The following TRAPPC6A variants were observed in gnomAD, a reference collection of about 807,000 sequenced individuals.
TRAPPC6A encodes the protein trafficking protein particle complex subunit 6A, also known as TRAPP complex subunit 6A.
A neutral mutation model predicts 20.8 loss-of-function variants in TRAPPC6A; 25 were observed. The ratio of observed to expected loss-of-function variants is 1.20; its 90% CI spans 0.88 to 1.68. The LOEUF (loss-of-function observed/expected upper bound fraction) is 1.68. Among genes scored for constraint, TRAPPC6A ranks in the 40% most tolerant of loss-of-function variants. The pLI, the probability that TRAPPC6A is intolerant of heterozygous loss-of-function variation, is 0.00. For missense variants in TRAPPC6A, 215 were observed against 211.6 expected (o/e 1.02, Z -0.10); for synonymous variants, 96 against 93.3 (o/e 1.03, Z -0.16).
intron 1 of TRAPPC6A, among the ~76,000 whole-genome samples, chr19:45,166,895 GT>G (rs1489195220): frequency 6.6e-6 from 1 of 152,190 alleles, no homozygotes; most frequent in African/African-American, 2.4e-5. Flanking sequence ...CCTGGAGCGG[GT>G]CTCCCAGCCT....
chr19:45,174,748 G>A (rs1969329667), intron 1 of TRAPPC6A, among the ~76,000 whole-genome samples: 1 of 152,068 alleles, frequency 6.6e-6, no homozygotes, highest in Admixed American at 6.6e-5. Context: ...AGGATCACTT[G>A]AGCCCAGGAG....
chr19:45,167,398 C>T (rs1969178736), intron 1 of TRAPPC6A, among the ~76,000 whole-genome samples: 1 of 152,162 alleles, frequency 6.6e-6, no homozygotes, highest in Non-Finnish European at 1.5e-5. Context: ...AGGATGAAAA[C>T]ACTTGAAATA....
At chr19:45,166,588 C>T (rs1238033883) in intron 1 of TRAPPC6A, among the ~76,000 whole-genome samples, 1 of 150,992 alleles carries the variant, frequency 6.6e-6, no homozygotes, top group Non-Finnish European at 1.5e-5. Flanking sequence ...CTGGGGGGCA[C>T]CAGAAATCCC....
In TRAPPC6A at chr19:45,175,853, G is replaced by A. The variant is rs144207819; in HGVS notation, c.84+2282C>T. On this transcript the variant is annotated intron_variant, in intron 1 of 5. Coordinates refer to ENST00000585934, the MANE Select transcript of TRAPPC6A (RefSeq NM_001270891.2). ...GGACATTATTACCCACCCCCAGGCT[G>A]ATGCATACTCCCTGGGCCATGCTGT... 2.9e-3 allele frequency among the ~76,000 whole-genome samples: 435 copies of A among 152,240 alleles called. 2 individuals are homozygous for A. Among genetic ancestry groups the A allele is most frequent in the African/African-American group, 9.9e-3 (410 of 41,540 alleles).
Position 45,178,191 on chromosome 19 carries a change from G to A in TRAPPC6A, c.28C>T (p.Leu10Phe). 2 of 1,611,402 alleles carry A rather than the reference G, an allele frequency of 1.2e-6. No individual in the cohort carries two copies. Among genetic ancestry groups the A allele is most frequent in the South Asian group, 1.1e-5 (1 of 90,960 alleles). Residue 10 changes from leucine (L) to phenylalanine (F), a missense_variant, in exon 1 of 6, where the codon CTT becomes TTT. Transcript: ENST00000585934. MADTVLFEF[L>F]HTEMVAELWA... ...AGCTCAGCCACCATCTCCGTGTGAA[G>A]AAACTCAAACAACACAGTATCCGCC... is the stretch of plus-strand genomic sequence containing the variant.
chr19:45,177,975 C>G (rs892081893), intron 1 of TRAPPC6A, 160 bp downstream of exon 1: 22 of 1,367,350 alleles, frequency 1.6e-5, no homozygotes, highest in Non-Finnish European at 1.9e-5. Flanking sequence ...CCGGCACCGT[C>G]GCGAACGCCA....
intron 1 of TRAPPC6A, among the ~76,000 whole-genome samples, chr19:45,174,764 G>C (rs116061121): frequency 0.014 from 2,075 of 152,082 alleles, 51 homozygotes; most frequent in African/African-American, 0.048. Flanking sequence ...AGGAGTGTGA[G>C]GCTACAGTGA....
Position 45,163,262 on chromosome 19 carries a change from G to C in TRAPPC6A, c.449-39C>G, listed in dbSNP as rs112150864. On this transcript the variant is annotated intron_variant, in intron 5 of 5. Transcript: ENST00000585934. This position sits in a 1 kb window ranked among gnomAD's most constrained non-coding sequence, Gnocchi z 5.3. Reference sequence around the variant, plus strand: ...CCTGGCTTAGGCTTGAGGATGGGATGGGGGAGGCAGAGGGCACCTGGACGG... The same window carrying C: ...CCTGGCTTAGGCTTGAGGATGGGATCGGGGAGGCAGAGGGCACCTGGACGG... 145 of 1,612,168 alleles carry C rather than the reference G, an allele frequency of 9.0e-5. 2 individuals are homozygous for C. The African/African-American group carries it at 1.5e-3, about 17-fold the overall frequency.
chr19:45,164,310 T>G, intron 3 of TRAPPC6A, 63 bp from the exon 4 acceptor site: 196 of 1,008,116 alleles, frequency 1.9e-4, no homozygotes, highest in Non-Finnish European at 2.6e-4. Flanking sequence ...GCAGGGAGGG[T>G]AAGCAGGAAC....
chr19:45,172,325 G>C lies in TRAPPC6A; in HGVS notation c.84+5810C>G, dbSNP rs1369496477. On this transcript the variant is annotated intron_variant, in intron 1 of 5. Coordinates refer to ENST00000585934, the MANE Select transcript of TRAPPC6A (RefSeq NM_001270891.2). The surrounding 1 kb of genome is among the most constrained non-coding windows in gnomAD (Gnocchi z 4.2). The stretch of plus-strand genomic sequence containing the variant: ...CTGAGTTCTAATTTTGCCTTTAAGA[G>C]AACATTCTGCCCTGAACTGGGAGGG... Among the ~76,000 whole-genome samples the C allele has an allele frequency of 1.3e-5, 2 of 151,500 alleles. No homozygotes were observed. Among genetic ancestry groups the C allele is most frequent in the Non-Finnish European group, 2.9e-5 (2 of 68,032 alleles).
chr19:45,171,924 C>A (rs1036991474), intron 1 of TRAPPC6A, among the ~76,000 whole-genome samples: 2 of 152,206 alleles, frequency 1.3e-5, no homozygotes, highest in African/African-American at 4.8e-5. Flanking sequence ...TGGGTGACAG[C>A]GCCTTAGCTC....
intron 1 of TRAPPC6A, among the ~76,000 whole-genome samples, chr19:45,177,015 A>G (rs1969394949): frequency 6.6e-6 from 1 of 151,850 alleles, no homozygotes; most frequent in African/African-American, 2.4e-5. Context: ...AAAAAATAAT[A>G]ATAATACAAA....
At chr19:45,168,558 T>C (rs965946187) in intron 1 of TRAPPC6A, among the ~76,000 whole-genome samples, 5 of 152,148 alleles carry the variant, frequency 3.3e-5, no homozygotes, top group Non-Finnish European at 7.4e-5. Flanking sequence ...CCAGAGGAAC[T>C]TGCACCAGCA....
chr19:45,165,035 G>T, intron 2 of TRAPPC6A, 65 bp from the exon 3 acceptor site: 7 of 1,607,720 alleles, frequency 4.4e-6, no homozygotes, highest in Non-Finnish European at 6.0e-6. Flanking sequence ...AGACAGGCCC[G>T]ACTCCTGCAT....
rs12977014 is a variant in TRAPPC6A, at chr19:45,167,734, C to T, written c.85-2540G>A. 3.9e-5 allele frequency among the ~76,000 whole-genome samples: 6 copies of T among 152,262 alleles called. No homozygotes were observed. In the East Asian group the frequency reaches 5.8e-4, roughly 15 times the overall value. On this transcript the variant is annotated intron_variant, in intron 1 of 5. Coordinates refer to ENST00000585934, the MANE Select transcript of TRAPPC6A (RefSeq NM_001270891.2). ...CCAACCTCAGGTGATCTGCCCACCT[C>T]GGCCTCCCAAAGTGCTGGGATTACA...
intron 1 of TRAPPC6A, among the ~76,000 whole-genome samples, chr19:45,175,834 T>C (rs1333990814): frequency 6.6e-6 from 1 of 152,012 alleles, no homozygotes; most frequent in African/African-American, 2.4e-5. Flanking sequence ...GTTGGGACAT[T>C]ATTACCCACC....
rs750312305 is a variant in TRAPPC6A, at chr19:45,175,589, A to G, written c.84+2546T>C. 5.1e-4 allele frequency among the ~76,000 whole-genome samples: 77 copies of G among 152,128 alleles called. 2 individuals are homozygous for G. Among genetic ancestry groups the G allele is most frequent in the Non-Finnish European group, 5.6e-4 (38 of 68,022 alleles). Reference sequence around the variant, plus strand: ...AAGGGATTGTTACGCTAAGATCTGAAGGATTAATAGTTGTTAGCATGGTGA... The same window carrying G: ...AAGGGATTGTTACGCTAAGATCTGAGGGATTAATAGTTGTTAGCATGGTGA... On this transcript the variant is annotated intron_variant, in intron 1 of 5. Transcript: ENST00000585934.
chr19:45,174,846 C>T (rs1001470167), intron 1 of TRAPPC6A, among the ~76,000 whole-genome samples: 7 of 151,532 alleles, frequency 4.6e-5, no homozygotes, highest in Non-Finnish European at 7.4e-5. Context: ...ATCAGCCGGG[C>T]GTGGTGGCTC....
Position 45,177,191 on chromosome 19 carries a change from G to GCGCGCACACA in TRAPPC6A, c.84+943_84+944insTGTGTGCGCG, listed in dbSNP as rs61484972. On this transcript the variant is annotated intron_variant, in intron 1 of 5. Transcript: ENST00000585934. ...GCGACCGAGCAGGATGCGCGTGCGC[G>GCGCGCACACA]CACACACACACACACACACACACAC... Among the ~76,000 whole-genome samples the GCGCGCACACA allele has an allele frequency of 5.5e-3, 821 of 147,988 alleles. 8 individuals carry two copies. Among genetic ancestry groups the GCGCGCACACA allele is most frequent in the African/African-American group, 0.019 (749 of 40,146 alleles).
Sources: allele counts gnomAD v4.1 joint callset (sites outside exome capture counted in the v4.1 genomes callset), GRCh38; gene constraint gnomAD v4.1.1; non-coding constraint Gnocchi (gnomAD v3.1); transcripts MANE v1.5; gene names NCBI Gene and HGNC (gene_info 2026-07-23, HGNC 2026-07-21).